The following MRAS variants were observed in gnomAD, a reference collection of about 807,000 sequenced individuals.
The protein encoded by MRAS is muscle RAS oncogene homolog.
MRAS carries 4 observed loss-of-function variants against 20.9 expected under a neutral mutation model. The observed-to-expected ratio is 0.19, with a 90% CI of 0.09 to 0.44. The LOEUF (loss-of-function observed/expected upper bound fraction) is 0.44. Among genes scored for constraint, MRAS ranks in the 20% least tolerant of loss-of-function variants. The pLI is 0.99. For missense variants in MRAS, 154 were observed against 277.5 expected (o/e 0.56, Z 3.16); for synonymous variants, 98 against 102.9 (o/e 0.95, Z 0.29).
intron 1 of MRAS, among the ~76,000 whole-genome samples, chr3:138,370,504 G>T (rs1343941077): frequency 6.6e-6 from 1 of 151,816 alleles, no homozygotes; most frequent in South Asian, 2.1e-4. Context: ...ACTCCCCTCC[G>T]CCCTCTCTCC....
At chr3:138,351,446 A>T (rs777743905) in intron 1 of MRAS, among the ~76,000 whole-genome samples, 33 of 152,168 alleles carry the variant, frequency 2.2e-4, no homozygotes, top group Non-Finnish European at 4.6e-4. Context: ...GAGCTGGAGG[A>T]GTTCCCTGAG....
At chr3:138,383,690 T>G (rs2054951704) in intron 2 of MRAS, among the ~76,000 whole-genome samples, 1 of 152,240 alleles carries the variant, frequency 6.6e-6, no homozygotes, top group Non-Finnish European at 1.5e-5. Context: ...ATATGTTCAC[T>G]AATTCCTTCT....
upstream of MRAS, chr3:138,348,109 A>G (rs1184120482): frequency 1.3e-5 from 2 of 152,256 alleles, no homozygotes; most frequent in African/African-American, 4.8e-5. Flanking sequence ...CTGGGGCATG[A>G]TCTGGAAGAA....
At chr3:138,364,692 C>T (rs2054524719) in intron 1 of MRAS, among the ~76,000 whole-genome samples, 1 of 152,246 alleles carries the variant, frequency 6.6e-6, no homozygotes, top group South Asian at 2.1e-4. Flanking sequence ...CCCCCAGCTT[C>T]CTCACTGGTC....
At chr3:138,400,397 G>A (rs1374883954) in intron 4 of MRAS, 137 bp from the exon 5 acceptor site, 2 of 721,650 alleles carry the variant, frequency 2.8e-6, no homozygotes, top group Non-Finnish European at 2.5e-6. Context: ...TGATGCTTGA[G>A]GCTATTGGGG....
At chr3:138,384,007 A>G (rs1318879963) in intron 2 of MRAS, among the ~76,000 whole-genome samples, 1 of 152,158 alleles carries the variant, frequency 6.6e-6, no homozygotes, top group African/African-American at 2.4e-5. Context: ...AATCTCAGTC[A>G]GTGGGAGTAT....
intron 5 of MRAS, among the ~76,000 whole-genome samples, chr3:138,401,097 T>C (rs1226489152): frequency 6.6e-6 from 1 of 152,218 alleles, no homozygotes; most frequent in African/African-American, 2.4e-5. Context: ...CAGCTGTCAA[T>C]CTCCAAGTAT....
At chr3:138,395,328 C>T (rs1351953364) in intron 2 of MRAS, among the ~76,000 whole-genome samples, 8 of 152,180 alleles carry the variant, frequency 5.3e-5, no homozygotes, top group African/African-American at 1.2e-4. Context: ...TGAGCCACCG[C>T]GCCTGGCCAG....
chr3:138,361,168 A>T (rs2054438775), intron 1 of MRAS, among the ~76,000 whole-genome samples: 2 of 152,188 alleles, frequency 1.3e-5, no homozygotes, highest in African/African-American at 4.8e-5. Flanking sequence ...TAGAGGAAGG[A>T]ATCGTTTCTG....
At chr3:138,378,698 G>GT (rs1472413669) in intron 2 of MRAS, among the ~76,000 whole-genome samples, 2 of 152,192 alleles carry the variant, frequency 1.3e-5, no homozygotes, top group Non-Finnish European at 2.9e-5. Flanking sequence ...GAGCCATAGA[G>GT]TTTTGTGTTT....
intron 2 of MRAS, among the ~76,000 whole-genome samples, chr3:138,380,660 T>C (rs1246795186): frequency 2.0e-5 from 3 of 152,032 alleles, no homozygotes; most frequent in African/African-American, 7.2e-5. Flanking sequence ...CTCATTTGAG[T>C]GCTATGATAA....
chr3:138,364,308 T>A (rs2054517547), intron 1 of MRAS, among the ~76,000 whole-genome samples: 1 of 152,140 alleles, frequency 6.6e-6, no homozygotes, highest in African/African-American at 2.4e-5. Context: ...GGACTTGGGA[T>A]GGACTTCAAA....
At chr3:138,391,922 G>A (rs1247429689) in intron 2 of MRAS, among the ~76,000 whole-genome samples, 2 of 152,214 alleles carry the variant, frequency 1.3e-5, no homozygotes, top group Admixed American at 6.5e-5. Flanking sequence ...GGTGGATCAC[G>A]AGGTCAGGAG....
At chr3:138,355,760 G>A (rs1281361661) in intron 1 of MRAS, among the ~76,000 whole-genome samples, 9 of 152,142 alleles carry the variant, frequency 5.9e-5, no homozygotes, top group East Asian at 3.9e-4. Flanking sequence ...GTGAAACTCC[G>A]TCTCTACTAA....
chr3:138,368,480 A>G (rs1026650385), intron 1 of MRAS, among the ~76,000 whole-genome samples: 1 of 152,180 alleles, frequency 6.6e-6, no homozygotes, highest in African/African-American at 2.4e-5. Context: ...TACTGAGGCC[A>G]TAGAAGGTAA....
chr3:138,400,464 AT>A, intron 4 of MRAS, 69 bp from the exon 5 acceptor site: 2 of 1,445,956 alleles, frequency 1.4e-6, no homozygotes, highest in South Asian at 2.3e-5. Flanking sequence ...ACCTCTGGGC[AT>A]TTTTAAGGGT....
At position 138,373,068 on chromosome 3, in the gene MRAS, T is replaced by C; in HGVS notation, c.185T>C (p.Ile62Thr). ...ACGGAGATTGACAATCAATGGGCCA[T>C]CTTGGACGGTGAGACCTGGGTGGCA... Reference protein sequence around the residue: ...KHTEIDNQWAILDVLDTAGQE... With the variant: ...KHTEIDNQWATLDVLDTAGQE... Residue 62 changes from isoleucine to threonine, a missense_variant, in exon 2 of 6, where the codon ATC becomes ACC. Ile to Thr is a moderately conservative substitution (Grantham distance 89, BLOSUM62 -1). Transcript: ENST00000423968. 1.4e-6 allele frequency: 2 copies of C among 1,477,178 alleles called. No homozygotes were observed. The highest frequency in any genetic ancestry group is 1.8e-6 in the Non-Finnish European group (2 of 1,113,656). 91.5% of individuals were successfully genotyped at this position (1,477,178 alleles called of 1,614,324 possible). A position where few individuals can be genotyped will look rare whatever the true frequency, so the allele number is the denominator to read the frequency against.
chr3:138,349,269 T>G (rs1214751701), intron 1 of MRAS: 1 of 152,360 alleles, frequency 6.6e-6, no homozygotes, highest in Non-Finnish European at 1.5e-5. Context: ...GGAGCTGTGG[T>G]CACAACTAGG....
chr3:138,380,839 G>A lies in MRAS; in HGVS notation c.193+7763G>A, dbSNP rs138170340. On this transcript the variant is annotated intron_variant, in intron 2 of 5. Transcript: ENST00000423968. The stretch of plus-strand genomic sequence containing the variant: ...GGCTGGAGTGCAGTGGTGTGATCTC[G>A]GCTCACTGCAGCCTCCGCCTCCCGG... 9.3e-5 allele frequency among the ~76,000 whole-genome samples: 14 copies of A among 150,006 alleles called. No individual in the cohort carries two copies. In the East Asian group the frequency reaches 1.2e-3, roughly 13 times the overall value.
Sources: gnomAD v4.1 joint callset for allele counts (sites outside exome capture counted in the v4.1 genomes callset) on GRCh38, gnomAD v4.1.1 for gene constraint, MANE v1.5 for transcripts, NCBI Gene and HGNC (gene_info 2026-07-23, HGNC 2026-07-21) for gene names.